Variants in DNAH8 observed in about 807,000 individuals in gnomAD.
The protein encoded by DNAH8 is dynein axonemal heavy chain 8.
Under a neutral mutation model 562.1 loss-of-function variants are expected in DNAH8, and 382 were observed. The observed-to-expected ratio is 0.68, with a 90% CI of 0.63 to 0.74. The LOEUF is 0.74. DNAH8 is among the 30% of genes least tolerant of loss of function. The pLI, the probability that DNAH8 is intolerant of heterozygous loss-of-function variation, is 0.00. For missense variants in DNAH8, 5,203 were observed against 5,620.4 expected (o/e 0.93, Z 2.37); for synonymous variants, 1,881 against 1,919.4 (o/e 0.98, Z 0.52).
At chr6:38,957,243 A>C (rs535810249) in intron 82 of DNAH8, among the ~76,000 whole-genome samples, 1 of 151,320 alleles carries the variant, frequency 6.6e-6, no homozygotes, top group African/African-American at 2.4e-5. Flanking sequence ...CATACACACA[A>C]TGCACCCAAC....
chr6:38,951,252 C>T, intron 81 of DNAH8, 66 bp from the exon 82 acceptor site: 3 of 1,366,746 alleles, frequency 2.2e-6, no homozygotes, highest in African/African-American at 1.4e-5. Flanking sequence ...TATGTTTTTA[C>T]TTACTCAGAT....
At chr6:38,997,360 C>G (rs1367328563) in intron 88 of DNAH8, among the ~76,000 whole-genome samples, 2 of 152,208 alleles carry the variant, frequency 1.3e-5, no homozygotes, top group African/African-American at 4.8e-5. Flanking sequence ...CTGAAACCCA[C>G]CTCTGGTCCT....
Position 38,857,620 on chromosome 6 carries a change from T to A in DNAH8, c.5836T>A (p.Phe1946Ile). The A allele has an allele frequency of 1.2e-6, 2 of 1,613,708 alleles. No individual in the cohort carries two copies. Among genetic ancestry groups the A allele is most frequent in the Non-Finnish European group, 1.7e-6 (2 of 1,179,736 alleles). The change falls in exon 42 of 93, where the codon TTT becomes ATT. Residue 1946 changes from phenylalanine to isoleucine, a missense_variant. Around this residue, in one of 6 missense-constraint regions of DNAH8, gnomAD observed 2,176 missense variants for 2,365.1 expected, o/e 0.92. Coordinates refer to ENST00000327475, the MANE Select transcript of DNAH8 (RefSeq NM_001206927.2). ...AATCATGCAAGTGACCAATCAGAAA[T>A]TTTTGGATATTCTAAATACTCTCAT... ...RKIMQVTNQK[F>I]LDILNTLISQ...
At position 38,938,810 on chromosome 6, in the gene DNAH8, A is replaced by G. The variant is rs1783194102; in HGVS notation, c.11829A>G (p.Ser3943=). The part of the protein sequence containing the change: ...FDQSMARSEK[S]PLPQKRITNI... ...AAATGTGTTTCAGATCTGAAAAGTC[A>G]CCACTACCTCAAAAGAGAATTACAA... is the stretch of plus-strand genomic sequence containing the variant. The change falls in exon 79 of 93, where the codon TCA becomes TCG. Residue 3943 remains serine (S), a synonymous_variant. Transcript: ENST00000327475. 1 of 1,600,812 alleles carries G rather than the reference A, an allele frequency of 6.2e-7. No homozygotes were observed. The highest frequency in any genetic ancestry group is 1.3e-5 in the African/African-American group (1 of 74,232).
rs528972398 is a variant in DNAH8, at chr6:38,719,454, A to G, written c.-34-3322A>G. Among the ~76,000 whole-genome samples, 137 of 151,694 alleles carry G rather than the reference A, an allele frequency of 9.0e-4. 1 individual carries two copies. Among genetic ancestry groups the G allele is most frequent in the Non-Finnish European group, 1.5e-3 (101 of 67,966 alleles). ...TTATGTCCATGTATCCCCAGTGTTT[A>G]GTCCCTACTTATAAGTGTGAACATG... is the stretch of plus-strand genomic sequence containing the variant. On this transcript the variant is annotated intron_variant, in intron 1 of 92. Coordinates refer to ENST00000327475, the MANE Select transcript of DNAH8 (RefSeq NM_001206927.2).
In DNAH8 at chr6:38,917,406, G is replaced by A. The variant is rs528574233; in HGVS notation, c.10308G>A (p.Lys3436=). Residue 3436 remains lysine, a splice_region_variant and synonymous_variant, in exon 69 of 93, where the codon AAG becomes AAA. Coordinates refer to ENST00000327475, the MANE Select transcript of DNAH8 (RefSeq NM_001206927.2). ...AGCCATCATGGGGAGAGTCATTAAA[G>A]GTAAGTAAAATCTATCATTGTCAAT... ...CCKPSWGESL[K]LMSATGFLWS... 11 of 1,612,302 alleles carry A rather than the reference G, an allele frequency of 6.8e-6. 1 individual carries two copies. The South Asian group carries it at 9.9e-5, about 15-fold the overall frequency.
chr6:38,862,662 T>C (rs543571245), intron 44 of DNAH8, among the ~76,000 whole-genome samples: 22 of 152,314 alleles, frequency 1.4e-4, no homozygotes, highest in Non-Finnish European at 2.9e-5. Flanking sequence ...GCTAGTGTTA[T>C]AGTCTATGCA....
At chr6:38,916,692 C>T (rs931357920) in intron 68 of DNAH8, among the ~76,000 whole-genome samples, 1 of 152,198 alleles carries the variant, frequency 6.6e-6, no homozygotes, top group East Asian at 1.9e-4. Context: ...TGTTATTGAT[C>T]ATATGGTCTC....
rs531857881 is a variant in DNAH8 at position 39,026,174 on chromosome 6, G to C, written c.13715-372G>C. Among the ~76,000 whole-genome samples, 6 of 152,258 alleles carry C rather than the reference G, an allele frequency of 3.9e-5. No individual in the cohort carries two copies. The South Asian group carries it at 1.2e-3, about 32-fold the overall frequency. ...AAGGCTAATTGGAATGCTATTCTCA[G>C]AATATTTCACCATTCCGATCTTATT... On this transcript the variant is annotated intron_variant, in intron 91 of 92. Coordinates refer to ENST00000327475, the MANE Select transcript of DNAH8 (RefSeq NM_001206927.2).
intron 1 of DNAH8, among the ~76,000 whole-genome samples, chr6:38,720,850 A>G (rs538983692): frequency 3.0e-5 from 1 of 33,456 alleles, no homozygotes; most frequent in Non-Finnish European, 9.1e-5. Flanking sequence ...ATAACACACA[A>G]AAAAAATTCA....
chr6:38,740,047 T>C (rs565158720), intron 7 of DNAH8, among the ~76,000 whole-genome samples: 1 of 152,222 alleles, frequency 6.6e-6, no homozygotes, highest in Non-Finnish European at 1.5e-5. Flanking sequence ...TTAGACCCTT[T>C]TGTTTGTCTC....
rs1275590887 is a variant in DNAH8 at position 38,898,332 on chromosome 6, A to G, written c.9015A>G (p.Thr3005=). 6 of 1,586,316 alleles carry G rather than the reference A, an allele frequency of 3.8e-6. No homozygotes were observed. The highest frequency in any genetic ancestry group is 3.4e-6 in the Non-Finnish European group (4 of 1,171,582). The change falls in exon 61 of 93, where the codon ACA becomes ACG. Residue 3005 remains threonine (T), a synonymous_variant. Transcript: ENST00000327475. ...QRQFNEIIRG[T]SLDLVFFKDA... ...AGTTCAATGAAATCATTAGAGGAAC[A>G]TCTCTTGATCTGGTGTTTTTTAAAG... is the stretch of plus-strand genomic sequence containing the variant.
At position 38,923,168 on chromosome 6, in the gene DNAH8, C is replaced by T. The variant is rs147574550; in HGVS notation, c.10773C>T (p.Phe3591=). The change falls in exon 72 of 93, where the codon TTC becomes TTT. Residue 3591 remains phenylalanine, a synonymous_variant. Transcript: ENST00000327475. The part of the protein sequence containing the change: ...KIRWTQQSKE[F]KAQINRLVGD... ...GGTGGACCCAGCAAAGTAAAGAATT[C>T]AAAGCTCAGATTAATAGGTGGGAAT... 6.2e-7 allele frequency: 1 copy of T among 1,613,576 alleles called. No homozygotes were observed. Among genetic ancestry groups the T allele is most frequent in the Non-Finnish European group, 8.5e-7 (1 of 1,179,722 alleles).
chr6:38,832,389 A>T lies in DNAH8; in HGVS notation c.4256A>T (p.Glu1419Val). 1 of 1,613,824 alleles carries T rather than the reference A, an allele frequency of 6.2e-7. No individual in the cohort carries two copies. Among genetic ancestry groups the T allele is most frequent in the Non-Finnish European group, 8.5e-7 (1 of 1,179,768 alleles). Residue 1419 changes from glutamate (E) to valine (V), a missense_variant, in exon 31 of 93, where the codon GAA becomes GTA. Physicochemically the swap from Glu to Val is moderately radical, Grantham distance 121. Transcript: ENST00000327475. ...KFKSNLLESV[E>V]VFREDVINFA... ...AAAAGCAATCTACTTGAGTCTGTGG[A>T]AGTTTTTCGTGAGGACGTGATAAAC... is the stretch of plus-strand genomic sequence containing the variant.
intron 5 of DNAH8, among the ~76,000 whole-genome samples, chr6:38,735,093 A>G (rs926659135): frequency 6.6e-6 from 1 of 152,166 alleles, no homozygotes; most frequent in Admixed American, 6.5e-5. Context: ...TAATCACTTA[A>G]ATGTGTCCTC....
intron 85 of DNAH8, among the ~76,000 whole-genome samples, chr6:38,975,229 G>T (rs1484813853): frequency 6.6e-6 from 1 of 152,150 alleles, no homozygotes; most frequent in Admixed American, 6.5e-5. Context: ...TTAAATTATT[G>T]TTAGTGTTTT....
At chr6:38,873,965 A>T (rs1777694747) in intron 52 of DNAH8, among the ~76,000 whole-genome samples, 1 of 152,032 alleles carries the variant, frequency 6.6e-6, no homozygotes, top group Admixed American at 6.5e-5. Context: ...AATAAAAATT[A>T]TCTGACAAGT....
At chr6:39,029,447 A>G (rs1336563325) in intron 92 of DNAH8, among the ~76,000 whole-genome samples, 1 of 152,068 alleles carries the variant, frequency 6.6e-6, no homozygotes, top group Non-Finnish European at 1.5e-5. Flanking sequence ...GTGTGCTGCT[A>G]TTCAATTCTT....
chr6:38,806,851 G>A (rs1398004984), intron 23 of DNAH8, among the ~76,000 whole-genome samples: 1 of 152,040 alleles, frequency 6.6e-6, no homozygotes, highest in Non-Finnish European at 1.5e-5. Context: ...TAGTTCACTA[G>A]CCCTGACTGT....
Sources: gnomAD v4.1 joint callset for allele counts (sites outside exome capture counted in the v4.1 genomes callset) on GRCh38, gnomAD v4.1.1 for gene constraint, gnomAD v4.1.1 regional missense constraint, MANE v1.5 for transcripts, NCBI Gene and HGNC (gene_info 2026-07-23, HGNC 2026-07-21) for gene names.